The following COX7B2 variants were observed in gnomAD, a reference collection of about 807,000 sequenced individuals.
COX7B2 encodes cytochrome c oxidase subunit 7B2, mitochondrial.
For synonymous variants in COX7B2, 37 were observed against 32.1 expected (o/e 1.15, Z -0.51); for missense variants, 109 against 95.9 (o/e 1.14, Z -0.57).
intron 2 of COX7B2, among the ~76,000 whole-genome samples, chr4:46,802,798 A>C (rs995902036): frequency 6.6e-6 from 1 of 152,142 alleles, no homozygotes; most frequent in Non-Finnish European, 1.5e-5. Flanking sequence ...AACTTGCTTA[A>C]ATTATCCCCA....
intron 2 of COX7B2, among the ~76,000 whole-genome samples, chr4:46,829,665 G>A (rs931527347): frequency 1.3e-5 from 2 of 152,160 alleles, no homozygotes; most frequent in Non-Finnish European, 2.9e-5. Flanking sequence ...CTTTGTGAAA[G>A]AAGCAACATT....
chr4:46,898,427 A>AT (rs982031144), intron 1 of COX7B2, among the ~76,000 whole-genome samples: 23 of 151,238 alleles, frequency 1.5e-4, no homozygotes, highest in African/African-American at 4.6e-4. Flanking sequence ...ATCATTCATT[A>AT]TTTTTTTTGA....
chr4:46,901,590 T>G (rs1356583731), intron 1 of COX7B2, among the ~76,000 whole-genome samples: 1 of 152,206 alleles, frequency 6.6e-6, no homozygotes, highest in Non-Finnish European at 1.5e-5. Flanking sequence ...AGTAAAACAT[T>G]ATTTCTAGTT....
intron 2 of COX7B2, among the ~76,000 whole-genome samples, chr4:46,782,175 G>A (rs1235406482): frequency 6.6e-6 from 1 of 152,172 alleles, no homozygotes; most frequent in Non-Finnish European, 1.5e-5. Flanking sequence ...GATTGTATAT[G>A]CATCAATCAG....
At chr4:46,893,377 C>T (rs756180414) in intron 1 of COX7B2, among the ~76,000 whole-genome samples, 8 of 152,194 alleles carry the variant, frequency 5.3e-5, no homozygotes, top group Admixed American at 3.3e-4. Context: ...GTACATACTT[C>T]GCTGTTGAAC....
chr4:46,798,644 T>G (rs1408674999), intron 2 of COX7B2, among the ~76,000 whole-genome samples: 1 of 152,170 alleles, frequency 6.6e-6, no homozygotes, highest in Non-Finnish European at 1.5e-5. Context: ...TGGGCTTTAG[T>G]AGAGTCTGAA....
At chr4:46,908,486 G>A (rs182513124) in intron 1 of COX7B2, among the ~76,000 whole-genome samples, 2 of 152,186 alleles carry the variant, frequency 1.3e-5, no homozygotes, top group Admixed American at 1.3e-4. Context: ...CTACTCTCCT[G>A]TGGGCAAAAT....
At chr4:46,850,188 A>C (rs940862486) in intron 1 of COX7B2, among the ~76,000 whole-genome samples, 3 of 149,098 alleles carry the variant, frequency 2.0e-5, no homozygotes, top group Non-Finnish European at 4.4e-5. Flanking sequence ...ATTTAAAATG[A>C]TTTAATTTTA....
At position 46,800,278 on chromosome 4, in the gene COX7B2, C is replaced by T. The variant is rs543087502; in HGVS notation, c.-50+44682G>A. ...ATTAGAAAAAAACTACTCTAAAACT[C>T]ATATGGAACCAAAAATGAGTCAGAA... is the stretch of plus-strand genomic sequence containing the variant. On this transcript the variant is annotated intron_variant, in intron 2 of 2. Coordinates refer to ENST00000355591, the MANE Select transcript of COX7B2 (RefSeq NM_130902.3). Among the ~76,000 whole-genome samples, 5 of 152,226 alleles carry T rather than the reference C, an allele frequency of 3.3e-5. No homozygotes were observed. In the South Asian group the frequency reaches 1.0e-3, roughly 32 times the overall value.
At chr4:46,760,972 T>C (rs1327587986) in intron 2 of COX7B2, among the ~76,000 whole-genome samples, 4 of 152,196 alleles carry the variant, frequency 2.6e-5, no homozygotes, top group African/African-American at 7.2e-5. Context: ...TAGAAAACTA[T>C]GCCTTCCTAC....
At chr4:46,816,756 T>TTGATATAG (rs1055317901) in intron 2 of COX7B2, among the ~76,000 whole-genome samples, 1 of 152,212 alleles carries the variant, frequency 6.6e-6, no homozygotes, top group African/African-American at 2.4e-5. Context: ...TAACTTCTCA[T>TTGATATAG]TGATAGGTTT....
intron 1 of COX7B2, among the ~76,000 whole-genome samples, chr4:46,878,102 C>A (rs112209689): frequency 6.6e-6 from 1 of 151,782 alleles, no homozygotes; most frequent in Non-Finnish European, 1.5e-5. Context: ...ATGACATGAA[C>A]GTTCCTGGAG....
chr4:46,856,088 A>G (rs1450939705), intron 1 of COX7B2, among the ~76,000 whole-genome samples: 1 of 152,028 alleles, frequency 6.6e-6, no homozygotes, highest in Non-Finnish European at 1.5e-5. Flanking sequence ...TACTAGAAAT[A>G]CAAAAATTAG....
chr4:46,907,848 C>CTTTTTTTTTTTTTTTTTTTTTTTTTTTT lies in COX7B2; in HGVS notation c.-105+1311_-105+1312insAAAAAAAAAAAAAAAAAAAAAAAAAAAA, dbSNP rs35024713. 4.5e-4 allele frequency among the ~76,000 whole-genome samples: 27 copies of CTTTTTTTTTTTTTTTTTTTTTTTTTTTT among 59,720 alleles called. 6 individuals are homozygous for CTTTTTTTTTTTTTTTTTTTTTTTTTTTT. Among genetic ancestry groups the CTTTTTTTTTTTTTTTTTTTTTTTTTTTT allele is most frequent in the Non-Finnish European group, 5.2e-4 (17 of 32,716 alleles). The allele number at this position is 59,720 out of a possible 152,430, so 39.2% of individuals were successfully genotyped here. A position where few individuals can be genotyped will look rare whatever the true frequency, so the allele number is the denominator to read the frequency against. On this transcript the variant is annotated intron_variant, in intron 1 of 2. Coordinates refer to ENST00000355591, the MANE Select transcript of COX7B2 (RefSeq NM_130902.3). ...TATAAAAGATCAGAATTTGAGCAGACTTTTTTTTTTTTTTTTTTTTTTTTG... is the reference window on the plus strand; with the variant it reads ...TATAAAAGATCAGAATTTGAGCAGACTTTTTTTTTTTTTTTTTTTTTTTTTTTTTTTTTTTTTTTTTTTTTTTTTTTTG...
At chr4:46,897,179 G>A (rs926700880) in intron 1 of COX7B2, among the ~76,000 whole-genome samples, 3 of 152,160 alleles carry the variant, frequency 2.0e-5, no homozygotes, top group Admixed American at 1.3e-4. Flanking sequence ...GGTCAAGACA[G>A]GTGCAACTGT....
intron 1 of COX7B2, among the ~76,000 whole-genome samples, chr4:46,903,481 T>G (rs116469630): frequency 0.024 from 3,653 of 152,140 alleles, 70 homozygotes; most frequent in Non-Finnish European, 0.041. Flanking sequence ...TTAAATAAAT[T>G]CAGTGTAGCC....
intron 2 of COX7B2, among the ~76,000 whole-genome samples, chr4:46,842,802 T>C (rs1716022557): frequency 6.6e-6 from 1 of 152,128 alleles, no homozygotes; most frequent in African/African-American, 2.4e-5. Context: ...AGTCTATCAT[T>C]GTTGGACATT....
chr4:46,804,274 A>C (rs577274955), intron 2 of COX7B2, among the ~76,000 whole-genome samples: 1 of 152,240 alleles, frequency 6.6e-6, no homozygotes, highest in South Asian at 2.1e-4. Flanking sequence ...ACTTACCGCA[A>C]AGAGCGAAAG....
chr4:46,860,915 C>T (rs867466454), intron 1 of COX7B2, among the ~76,000 whole-genome samples: 6 of 152,050 alleles, frequency 3.9e-5, no homozygotes, highest in African/African-American at 1.4e-4. Flanking sequence ...TCTTGAGCAC[C>T]CCTTAGATGC....
Sources: allele counts gnomAD v4.1 joint callset (sites outside exome capture counted in the v4.1 genomes callset), GRCh38; gene constraint gnomAD v4.1.1; transcripts MANE v1.5; gene names NCBI Gene and HGNC (gene_info 2026-07-23, HGNC 2026-07-21).